Variants in RGS18 observed in about 807,000 individuals in gnomAD.
RGS18 encodes the protein regulator of G protein signaling 18.
In RGS18, 22 loss-of-function variants were observed where a neutral mutation model predicts 27.6. That is an observed-to-expected ratio of 0.80 (90% CI 0.57 to 1.14). The LOEUF is 1.14. Ranked by LOEUF, RGS18 falls within the 50% of genes most tolerant of loss-of-function variation. RGS18 has a pLI of 0.00. For synonymous variants in RGS18, 89 were observed against 84.6 expected (o/e 1.05, Z -0.29); for missense variants, 299 against 269.6 (o/e 1.11, Z -0.76).
chr1:192,183,832 T>G (rs1028777555), intron 4 of RGS18, among the ~76,000 whole-genome samples: 51 of 151,552 alleles, frequency 3.4e-4, no homozygotes, highest in African/African-American at 1.2e-3. Context: ...AGAAAATAAC[T>G]TCAATTGGTT....
intron 3 of RGS18, among the ~76,000 whole-genome samples, chr1:192,176,584 A>C (rs1248803221): frequency 6.6e-6 from 1 of 151,586 alleles, no homozygotes; most frequent in Non-Finnish European, 1.5e-5. Flanking sequence ...TCCTCTTCTT[A>C]ATAGTTTAGT....
intron 3 of RGS18, among the ~76,000 whole-genome samples, chr1:192,165,363 G>A (rs1396574549): frequency 6.6e-6 from 1 of 152,172 alleles, no homozygotes; most frequent in Non-Finnish European, 1.5e-5. Flanking sequence ...AGAAATTGTA[G>A]TTTTGCCCTG....
At chr1:192,160,157 AAAT>A (rs1377730674) in intron 2 of RGS18, among the ~76,000 whole-genome samples, 19 of 152,330 alleles carry the variant, frequency 1.2e-4, no homozygotes, top group African/African-American at 3.8e-4. Flanking sequence ...ATGAGAAAAA[AAAT>A]AATGTTATTT....
intron 3 of RGS18, among the ~76,000 whole-genome samples, chr1:192,172,870 T>TATATATAC (rs1047369745): frequency 3.0e-5 from 4 of 134,668 alleles, no homozygotes; most frequent in Non-Finnish European, 6.4e-5. Flanking sequence ...TATGCATATA[T>TATATATAC]ATATATATAT....
In RGS18 at chr1:192,184,456, G is replaced by GGAA; in HGVS notation, c.613_615dup (p.Arg205dup). 2 of 1,611,678 alleles carry GGAA rather than the reference G, an allele frequency of 1.2e-6. No homozygotes were observed. The highest frequency in any genetic ancestry group is 1.7e-6 in the Non-Finnish European group (2 of 1,178,520). The stretch of plus-strand genomic sequence containing the variant: ...TGACATCTATTTAGACTTGATGGAA[G>GGAA]GAAGACCTCAGAGACCAACAAATCT... On this transcript the variant is annotated inframe_insertion, in exon 5 of 5. Coordinates refer to ENST00000367460, the MANE Select transcript of RGS18 (RefSeq NM_130782.3).
chr1:192,162,023 T>C (rs1656082274), intron 3 of RGS18, among the ~76,000 whole-genome samples: 1 of 152,196 alleles, frequency 6.6e-6, no homozygotes, highest in African/African-American at 2.4e-5. Context: ...TGAACTGTAA[T>C]ATTTATAGGT....
In RGS18 at chr1:192,158,598, G is replaced by T; in HGVS notation, c.-40G>T. 1 of 1,487,644 alleles carries T rather than the reference G, an allele frequency of 6.7e-7. No individual in the cohort carries two copies. The highest frequency in any genetic ancestry group is 9.0e-7 in the Non-Finnish European group (1 of 1,111,872). 92.2% of individuals were successfully genotyped at this position (1,487,644 alleles called of 1,614,324 possible). A position where few individuals can be genotyped will look rare whatever the true frequency, so the allele number is the denominator to read the frequency against. On this transcript the variant is annotated 5_prime_UTR_variant, in exon 1 of 5. It adds an upstream start codon to the 5' untranslated region. Transcript: ENST00000367460. ...TAGTATTAATAAATGAACTAGGGAA[G>T]GATGTAATAAATTAGACATCTCTTC...
At position 192,159,452 on chromosome 1, in the gene RGS18, T is replaced by C. The variant is rs1052952598; in HGVS notation, c.221+131T>C. ...ATATAAGGAAAGTTAGAAATTTCAT[T>C]TGAAGAGACTAGAAATATTTCATAA... is the stretch of plus-strand genomic sequence containing the variant. On this transcript the variant is annotated intron_variant, in intron 2 of 4. Transcript: ENST00000367460. The C allele has an allele frequency of 2.0e-5, 13 of 644,804 alleles. No individual in the cohort carries two copies. The African/African-American group carries it at 2.2e-4, about 11-fold the overall frequency. The allele number at this position is 644,804 out of a possible 1,614,324, so 39.9% of individuals were successfully genotyped here.
chr1:192,180,526 T>TA (rs1000009884), intron 3 of RGS18, among the ~76,000 whole-genome samples: 15 of 151,786 alleles, frequency 9.9e-5, no homozygotes, highest in Non-Finnish European at 2.1e-4. Flanking sequence ...GCTGTATGTC[T>TA]AAATGCTTAG....
intron 3 of RGS18, among the ~76,000 whole-genome samples, chr1:192,175,182 T>C (rs899756859): frequency 6.6e-6 from 1 of 151,860 alleles, no homozygotes; most frequent in African/African-American, 2.4e-5. Context: ...TTAACCTTTG[T>C]GTTTTTCAAA....
intron 3 of RGS18, among the ~76,000 whole-genome samples, chr1:192,161,835 C>A (rs559828574): frequency 8.5e-5 from 13 of 152,268 alleles, no homozygotes; most frequent in Non-Finnish European, 1.9e-4. Context: ...AATGTAACAA[C>A]AACTTTTCTT....
In RGS18 at chr1:192,172,868, T is replaced by TATATATAC. The variant is rs1326236515; in HGVS notation, c.284-8417_284-8416insCATATATA. Among the ~76,000 whole-genome samples the TATATATAC allele has an allele frequency of 3.0e-4, 40 of 133,724 alleles. No individual in the cohort carries two copies. In the East Asian group the frequency reaches 7.4e-3, roughly 25 times the overall value. 87.7% of individuals were successfully genotyped at this position (133,724 alleles called of 152,430 possible). Reference sequence around the variant, plus strand: ...TGCCTTCCTGAGAAAAATATGCATATATATATATATATATAAATATATATA... The same window carrying TATATATAC: ...TGCCTTCCTGAGAAAAATATGCATATATATATACATATATATATATATAAATATATATA... On this transcript the variant is annotated intron_variant, in intron 3 of 4. Transcript: ENST00000367460.
chr1:192,184,000 T>C (rs1426608902), intron 4 of RGS18, among the ~76,000 whole-genome samples: 1 of 151,510 alleles, frequency 6.6e-6, no homozygotes, highest in Non-Finnish European at 1.5e-5. Flanking sequence ...CACACACTTT[T>C]AAACAGCCAG....
chr1:192,166,712 A>G lies in RGS18; in HGVS notation c.283+6273A>G, dbSNP rs555863446. Among the ~76,000 whole-genome samples, 122 of 152,322 alleles carry G rather than the reference A, an allele frequency of 8.0e-4. 2 individuals are homozygous for G. Among genetic ancestry groups the G allele is most frequent in the Non-Finnish European group, 7.9e-4 (54 of 68,006 alleles). On this transcript the variant is annotated intron_variant, in intron 3 of 4. Coordinates refer to ENST00000367460, the MANE Select transcript of RGS18 (RefSeq NM_130782.3). ...TTCTAGATTTCATTTTTATTATAAT[A>G]GGAAGATAATGATATCTGTAATAGA... is the stretch of plus-strand genomic sequence containing the variant.
chr1:192,160,572 C>A, intron 3 of RGS18, 133 bp downstream of exon 3: 1 of 577,682 alleles, frequency 1.7e-6, no homozygotes, highest in South Asian at 2.6e-5. Flanking sequence ...ATTTTCTGAT[C>A]AACAGAACTA....
intron 3 of RGS18, among the ~76,000 whole-genome samples, chr1:192,179,682 C>T (rs1039948179): frequency 1.3e-5 from 2 of 151,538 alleles, no homozygotes; most frequent in African/African-American, 2.4e-5. Context: ...GAGAATCAGG[C>T]TGTGTGGAAA....
At chr1:192,162,152 GCTA>G (rs1298432050) in intron 3 of RGS18, among the ~76,000 whole-genome samples, 1 of 152,130 alleles carries the variant, frequency 6.6e-6, no homozygotes, top group Non-Finnish European at 1.5e-5. Context: ...TCTAAGACTA[GCTA>G]CTATCACTTC....
intron 3 of RGS18, among the ~76,000 whole-genome samples, chr1:192,165,452 G>A (rs1311691492): frequency 1.3e-5 from 2 of 152,126 alleles, no homozygotes; most frequent in Non-Finnish European, 2.9e-5. Flanking sequence ...GACCCACACT[G>A]TGTTCGTACA....
chr1:192,174,272 T>C (rs1366331139), intron 3 of RGS18, among the ~76,000 whole-genome samples: 1 of 151,790 alleles, frequency 6.6e-6, no homozygotes, highest in African/African-American at 2.4e-5. Flanking sequence ...TGTCAATTAT[T>C]AATTCAAACC....
Sources: allele counts gnomAD v4.1 joint callset (sites outside exome capture counted in the v4.1 genomes callset), GRCh38; gene constraint gnomAD v4.1.1; transcripts MANE v1.5; gene names NCBI Gene and HGNC (gene_info 2026-07-23, HGNC 2026-07-21).